The following BICC1 variants were observed in gnomAD, a reference collection of about 807,000 sequenced individuals.
BICC1 encodes protein bicaudal C homolog 1.
In BICC1, 43 loss-of-function variants were observed where a neutral mutation model predicts 111.0. The observed-to-expected ratio is 0.39, with a 90% CI of 0.30 to 0.50. The LOEUF (loss-of-function observed/expected upper bound fraction) is 0.50. Ranked by LOEUF, BICC1 falls within the 20% of genes least tolerant of loss-of-function variation. The pLI is 0.88. For synonymous variants in BICC1, 467 were observed against 434.4 expected, an observed-to-expected ratio of 1.07 and a Z score of -0.93; for missense variants, 1,091 against 1,203.2, an observed-to-expected ratio of 0.91 and a Z score of 1.38.
chr10:58,700,454 G>A (rs1840198061), intron 2 of BICC1, among the ~76,000 whole-genome samples: 2 of 152,112 alleles, frequency 1.3e-5, no homozygotes, highest in Non-Finnish European at 2.9e-5. Context: ...AGTTAATGGT[G>A]CAAACAGTAA....
intron 3 of BICC1, chr10:58,716,388 C>A: frequency 8.6e-7 from 1 of 1,167,178 alleles, no homozygotes; most frequent in African/African-American, 1.6e-5. Context: ...CATGAATTTT[C>A]TTGTTTTTAG....
chr10:58,598,529 T>C (rs1433474479), intron 1 of BICC1, among the ~76,000 whole-genome samples: 4 of 152,080 alleles, frequency 2.6e-5, no homozygotes, highest in Non-Finnish European at 5.9e-5. Context: ...GAGACTTAAC[T>C]GTAAGACCTA....
intron 2 of BICC1, among the ~76,000 whole-genome samples, chr10:58,632,168 A>G (rs2132176624): frequency 6.6e-6 from 1 of 152,348 alleles, no homozygotes. Flanking sequence ...ATAATCTGGG[A>G]ATCCAAAAAT....
intron 3 of BICC1, among the ~76,000 whole-genome samples, chr10:58,741,924 A>G (rs976033042): frequency 6.6e-6 from 1 of 152,218 alleles, no homozygotes; most frequent in African/African-American, 2.4e-5. Flanking sequence ...TGTTTTGTAC[A>G]TGTAGGAATG....
chr10:58,566,168 ATACATATACACACGTGTGTATATG>A, intron 1 of BICC1, among the ~76,000 whole-genome samples: 1 of 151,766 alleles, frequency 6.6e-6, no homozygotes, highest in East Asian at 2.0e-4. Flanking sequence ...GTGTGTATAT[ATACATATACACACGTGTGTATATG>A]TGTGTATACA....
At chr10:58,580,027 ATTT>A (rs67834722) in intron 1 of BICC1, among the ~76,000 whole-genome samples, 2 of 144,582 alleles carry the variant, frequency 1.4e-5, no homozygotes, top group African/African-American at 2.6e-5. Flanking sequence ...CCTCTTAGCA[ATTT>A]TTTTTTTTTT....
chr10:58,652,216 T>A (rs1838471034), intron 2 of BICC1, among the ~76,000 whole-genome samples: 1 of 152,136 alleles, frequency 6.6e-6, no homozygotes, highest in Non-Finnish European at 1.5e-5. Flanking sequence ...GTTTTGTGAT[T>A]TATTTTTCAA....
At chr10:58,591,686 G>A (rs767609015) in intron 1 of BICC1, among the ~76,000 whole-genome samples, 1 of 152,220 alleles carries the variant, frequency 6.6e-6, no homozygotes, top group Non-Finnish European at 1.5e-5. Flanking sequence ...GGGAGATTTA[G>A]GAGATGCAGT....
chr10:58,552,776 A>G (rs1206991807), intron 1 of BICC1, among the ~76,000 whole-genome samples: 1 of 152,144 alleles, frequency 6.6e-6, no homozygotes, highest in Non-Finnish European at 1.5e-5. Flanking sequence ...TCAGTTGAAC[A>G]CTAGATTGGT....
At chr10:58,564,911 G>A (rs1843710733) in intron 1 of BICC1, among the ~76,000 whole-genome samples, 2 of 151,862 alleles carry the variant, frequency 1.3e-5, no homozygotes, top group South Asian at 4.1e-4. Flanking sequence ...ATATAATATT[G>A]GTATTAAAGA....
chr10:58,599,345 T>G (rs960583112), intron 1 of BICC1, among the ~76,000 whole-genome samples: 3 of 152,138 alleles, frequency 2.0e-5, no homozygotes. Flanking sequence ...TTCATTTCCT[T>G]TGCCAGGACG....
chr10:58,683,767 C>A (rs539803479), intron 2 of BICC1, among the ~76,000 whole-genome samples: 1 of 152,110 alleles, frequency 6.6e-6, no homozygotes, highest in Non-Finnish European at 1.5e-5. Context: ...GCTTAAGGAG[C>A]TTTTGGGATG....
chr10:58,696,042 T>A (rs547135800), intron 2 of BICC1, among the ~76,000 whole-genome samples: 2 of 152,274 alleles, frequency 1.3e-5, no homozygotes, highest in Non-Finnish European at 1.5e-5. Context: ...TTACAAAAAA[T>A]TTGTAATTCT....
chr10:58,788,396 A>T lies in BICC1; in HGVS notation c.573A>T (p.Gly191=), dbSNP rs1843074194. 1 of 1,611,500 alleles carries T rather than the reference A, an allele frequency of 6.2e-7. No homozygotes were observed. Among genetic ancestry groups the T allele is most frequent in the African/African-American group, 1.3e-5 (1 of 74,866 alleles). ...NQVSIAGQPA[G]VESARVRIRE... ...TATCTATAGCGGGACAACCAGCAGGAGTAGAATCTGCCCGAGTTAGAATTC... is the reference window on the plus strand; with the variant it reads ...TATCTATAGCGGGACAACCAGCAGGTGTAGAATCTGCCCGAGTTAGAATTC... Residue 191 remains glycine, a synonymous_variant, in exon 6 of 21, where the codon GGA becomes GGT. Coordinates refer to ENST00000373886, the MANE Select transcript of BICC1 (RefSeq NM_001080512.3).
At chr10:58,745,599 A>ACCCCCACC (rs1564589090) in intron 3 of BICC1, among the ~76,000 whole-genome samples, 1 of 41,704 alleles carries the variant, frequency 2.4e-5, no homozygotes, top group African/African-American at 8.7e-5. Context: ...AGAGCCCCCC[A>ACCCCCACC]CCGCCCCCCC....
chr10:58,664,441 A>T (rs1261127870), intron 2 of BICC1, among the ~76,000 whole-genome samples: 1 of 143,652 alleles, frequency 7.0e-6, no homozygotes, highest in African/African-American at 2.5e-5. Flanking sequence ...CATAAGATAT[A>T]GGTTTTGTAA....
intron 2 of BICC1, among the ~76,000 whole-genome samples, chr10:58,647,085 T>C (rs1838292427): frequency 6.6e-6 from 1 of 152,224 alleles, no homozygotes; most frequent in Admixed American, 6.5e-5. Context: ...ATGGTAGATA[T>C]ACCTGCATAT....
chr10:58,630,787 G>C (rs1347863444), intron 2 of BICC1, among the ~76,000 whole-genome samples: 1 of 152,180 alleles, frequency 6.6e-6, no homozygotes, highest in East Asian at 1.9e-4. Context: ...TGTTTGTAGA[G>C]TAGTTTAGCT....
At chr10:58,772,457 A>G (rs1842645015) in intron 3 of BICC1, among the ~76,000 whole-genome samples, 1 of 152,150 alleles carries the variant, frequency 6.6e-6, no homozygotes, top group South Asian at 2.1e-4. Context: ...TTTAAATATA[A>G]TTGCTGACAT....
Sources: gnomAD v4.1 joint callset for allele counts (sites outside exome capture counted in the v4.1 genomes callset) on GRCh38, gnomAD v4.1.1 for gene constraint, MANE v1.5 for transcripts, NCBI Gene and HGNC (gene_info 2026-07-23, HGNC 2026-07-21) for gene names.